Variants in HSPBP1 observed in about 807,000 individuals in gnomAD.
HSPBP1 encodes the protein hsp70-binding protein 1.
HSPBP1 carries 31 observed loss-of-function variants against 41.7 expected under a neutral mutation model. The observed-to-expected ratio is 0.74, with a 90% CI of 0.56 to 1.00. The LOEUF is 1.00. Among genes scored for constraint, HSPBP1 ranks in the 50% least tolerant of loss-of-function variants. HSPBP1 has a pLI of 0.00. For synonymous variants in HSPBP1, 199 were observed against 214.4 expected (o/e 0.93, Z 0.63); for missense variants, 439 against 487.9 (o/e 0.90, Z 0.94).
intron 2 of HSPBP1, 24 bp downstream of exon 2, chr19:55,279,375 G>C: frequency 6.4e-7 from 1 of 1,572,492 alleles, no homozygotes; most frequent in Non-Finnish European, 8.6e-7. Context: ...CCTCACCCCA[G>C]CTTCTTGGGT....
intron 4 of HSPBP1, among the ~76,000 whole-genome samples, 162 bp downstream of exon 4, chr19:55,274,236 C>T (rs1480108872): frequency 6.6e-6 from 1 of 152,228 alleles, no homozygotes; most frequent in Non-Finnish European, 1.5e-5. Context: ...GAGTGCGCCA[C>T]TCACTCTGCC....
chr19:55,270,352 C>T lies in HSPBP1; in HGVS notation c.640+4046G>A, dbSNP rs1340502497. On this transcript the variant is annotated intron_variant, in intron 4 of 7. Transcript: ENST00000433386. This position sits in a 1 kb window ranked among gnomAD's most constrained non-coding sequence, Gnocchi z 5.4. ...CCATGGTGGAAGCCCATCTCTAGCACCCCTTCCTCAGAGGGGGATTGTGAG... is the reference window on the plus strand; with the variant it reads ...CCATGGTGGAAGCCCATCTCTAGCATCCCTTCCTCAGAGGGGGATTGTGAG... Among the ~76,000 whole-genome samples, 1 of 152,206 alleles carries T rather than the reference C, an allele frequency of 6.6e-6. No individual in the cohort carries two copies. The highest frequency in any genetic ancestry group is 1.5e-5 in the Non-Finnish European group (1 of 68,036).
intron 7 of HSPBP1, among the ~76,000 whole-genome samples, chr19:55,264,296 C>T (rs1397997088): frequency 1.3e-5 from 2 of 152,180 alleles, no homozygotes; most frequent in African/African-American, 4.8e-5. Flanking sequence ...CATACAGACA[C>T]TTGACAGTGT....
intron 3 of HSPBP1, among the ~76,000 whole-genome samples, chr19:55,276,025 G>A (rs1274594829): frequency 1.4e-5 from 2 of 141,980 alleles, no homozygotes; most frequent in African/African-American, 2.6e-5. Context: ...GCTAAGGTAT[G>A]AGAATCACTG....
chr19:55,272,700 G>A lies in HSPBP1; in HGVS notation c.640+1698C>T, dbSNP rs2087955485. Among the ~76,000 whole-genome samples, 1 of 152,102 alleles carries A rather than the reference G, an allele frequency of 6.6e-6. No homozygotes were observed. The highest frequency in any genetic ancestry group is 1.5e-5 in the Non-Finnish European group (1 of 68,024). On this transcript the variant is annotated intron_variant, in intron 4 of 7. Coordinates refer to ENST00000433386, the MANE Select transcript of HSPBP1 (RefSeq NM_012267.5). This position sits in a 1 kb window ranked among gnomAD's most constrained non-coding sequence, Gnocchi z 4.2. ...TACTAAAAATACAAAAATTAGCCGG[G>A]CGCGGTGGCGGGCGCCTGTAATCCC...
At chr19:55,275,143 T>C (rs1301084972) in intron 3 of HSPBP1, among the ~76,000 whole-genome samples, 1 of 152,096 alleles carries the variant, frequency 6.6e-6, no homozygotes, top group Non-Finnish European at 1.5e-5. Flanking sequence ...CTCGATTCCA[T>C]CAGCATTTGG....
intron 7 of HSPBP1, 92 bp downstream of exon 7, chr19:55,265,186 C>T (rs1170000564): frequency 4.7e-5 from 38 of 809,358 alleles, no homozygotes; most frequent in Non-Finnish European, 3.2e-5. Context: ...CCTCGAACCC[C>T]ATCCCCTCCC....
intron 3 of HSPBP1, among the ~76,000 whole-genome samples, chr19:55,276,925 C>T (rs923191302): frequency 4.6e-5 from 7 of 152,100 alleles, no homozygotes; most frequent in African/African-American, 1.4e-4. Flanking sequence ...CTCGGCCCAG[C>T]CTGCGTACAA....
At position 55,265,973 on chromosome 19, in the gene HSPBP1, C is replaced by A; in HGVS notation, c.806G>T (p.Cys269Phe). 6.2e-7 allele frequency: 1 copy of A among 1,601,654 alleles called. No homozygotes were observed. Among genetic ancestry groups the A allele is most frequent in the Non-Finnish European group, 8.5e-7 (1 of 1,175,602 alleles). The part of the protein sequence containing the change: ...VGHPEHKGTL[C>F]SMGMVQQLVA... ...CAGCTGCTGGACCATCCCCATGGAG[C>A]ACAGGGTCCCTGGGGGGAGGGCTGC... Residue 269 changes from cysteine (C) to phenylalanine (F), a missense_variant, in exon 6 of 8, where the codon TGC (cysteine) becomes TTC (phenylalanine). Coordinates refer to ENST00000433386, the MANE Select transcript of HSPBP1 (RefSeq NM_012267.5).
intron 3 of HSPBP1, 143 bp downstream of exon 3, chr19:55,277,499 T>C: frequency 1.2e-6 from 1 of 819,544 alleles, no homozygotes; most frequent in Non-Finnish European, 2.0e-6. Context: ...GCCTTGCTCC[T>C]TATGGCAATG....
upstream of HSPBP1, chr19:55,280,171 C>A (rs952522819): frequency 1.1e-5 from 2 of 179,976 alleles, no homozygotes; most frequent in African/African-American, 2.4e-5. Context: ...AACTTCGTGC[C>A]GTGGTTGCGG....
chr19:55,265,217 A>G, intron 7 of HSPBP1, 61 bp downstream of exon 7: 3 of 608,422 alleles, frequency 4.9e-6, no homozygotes, highest in Admixed American at 2.4e-5. Flanking sequence ...GTCCTCCTGG[A>G]GCCCTTGTCC....
At chr19:55,279,822 C>A (rs912426176) in intron 1 of HSPBP1, 120 bp from the exon 2 acceptor site, 3 of 1,155,200 alleles carry the variant, frequency 2.6e-6, no homozygotes, top group Non-Finnish European at 3.7e-6. Context: ...GGACCCTTCC[C>A]CAAAGTCATA....
At position 55,268,623 on chromosome 19, in the gene HSPBP1, G is replaced by T. The variant is rs981456021; in HGVS notation, c.641-2337C>A. Among the ~76,000 whole-genome samples, 3 of 152,122 alleles carry T rather than the reference G, an allele frequency of 2.0e-5. No individual in the cohort carries two copies. The highest frequency in any genetic ancestry group is 2.4e-5 in the African/African-American group (1 of 41,436). Reference sequence around the variant, plus strand: ...TAATAGTCCATATTAATTACACATTGAAATTATAATAGTTTGGACATATTG... The same window carrying T: ...TAATAGTCCATATTAATTACACATTTAAATTATAATAGTTTGGACATATTG... On this transcript the variant is annotated intron_variant, in intron 4 of 7. Coordinates refer to ENST00000433386, the MANE Select transcript of HSPBP1 (RefSeq NM_012267.5). The surrounding 1 kb of genome is among the most constrained non-coding windows in gnomAD (Gnocchi z 4.5).
In HSPBP1 at chr19:55,279,710, G is replaced by C. The variant is rs919867035; in HGVS notation, c.-94-8C>G. 5 of 1,537,108 alleles carry C rather than the reference G, an allele frequency of 3.3e-6. No individual in the cohort carries two copies. The highest frequency in any genetic ancestry group is 4.4e-6 in the Non-Finnish European group (5 of 1,146,540). On this transcript the variant is annotated splice_region_variant and splice_polypyrimidine_tract_variant and intron_variant, in intron 1 of 7. Transcript: ENST00000433386. ...GGGTCGATTCTTGAGGGTCTGCTGAGAAGGCGGCGTTTCAGGGGAGCTCGG... is the reference window on the plus strand; with the variant it reads ...GGGTCGATTCTTGAGGGTCTGCTGACAAGGCGGCGTTTCAGGGGAGCTCGG...
intron 4 of HSPBP1, among the ~76,000 whole-genome samples, chr19:55,273,581 G>A (rs2087981395): frequency 6.6e-6 from 1 of 152,096 alleles, no homozygotes; most frequent in Non-Finnish European, 1.5e-5. Flanking sequence ...TGGAGAAACT[G>A]CCCCACAGAT....
At chr19:55,274,751 AAG>A in intron 3 of HSPBP1, 129 bp from the exon 4 acceptor site, 1 of 749,948 alleles carries the variant, frequency 1.3e-6, no homozygotes, top group Non-Finnish European at 2.2e-6. Context: ...GGGATCTTTA[AAG>A]AGATCATTAA....
chr19:55,275,722 G>A lies in HSPBP1; in HGVS notation c.416-1100C>T, dbSNP rs148383726. ...CCCAACACTTTGGGAGGCCAAGGTG[G>A]GTGGATCACGAGGTCAGGAATTCAA... is the stretch of plus-strand genomic sequence containing the variant. On this transcript the variant is annotated intron_variant, in intron 3 of 7. Coordinates refer to ENST00000433386, the MANE Select transcript of HSPBP1 (RefSeq NM_012267.5). Among the ~76,000 whole-genome samples the A allele has an allele frequency of 5.7e-3, 867 of 152,028 alleles. 6 individuals carry two copies. Among genetic ancestry groups the A allele is most frequent in the African/African-American group, 0.02 (842 of 41,444 alleles).
At chr19:55,265,724 A>G (rs778230214) in intron 6 of HSPBP1, among the ~76,000 whole-genome samples, 162 bp downstream of exon 6, 1 of 151,916 alleles carries the variant, frequency 6.6e-6, no homozygotes, top group Non-Finnish European at 1.5e-5. Flanking sequence ...CTGGTGAGGA[A>G]ACTGAGGCTC....
Sources: gnomAD v4.1 joint callset for allele counts (sites outside exome capture counted in the v4.1 genomes callset) on GRCh38, gnomAD v4.1.1 for gene constraint, Gnocchi (gnomAD v3.1) non-coding constraint, MANE v1.5 for transcripts, NCBI Gene and HGNC (gene_info 2026-07-23, HGNC 2026-07-21) for gene names.